Variants in HNRNPC observed in about 807,000 individuals in gnomAD.
The protein encoded by HNRNPC is heterogeneous nuclear ribonucleoprotein C.
In HNRNPC, 3 loss-of-function variants were observed where a neutral mutation model predicts 33.2. The observed-to-expected ratio is 0.09, with a 90% CI of 0.04 to 0.23. The LOEUF is 0.23. HNRNPC is among the 10% of genes least tolerant of loss of function. The probability of loss-of-function intolerance (pLI) is 1.00; values close to 1 mark genes in which losing one functional copy is unlikely to be tolerated. For synonymous variants in HNRNPC, 121 were observed against 126.7 expected (o/e 0.96, Z 0.30); for missense variants, 143 against 366.7 (o/e 0.39, Z 4.98).
chr14:21,256,603 T>C (rs929893645), intron 2 of HNRNPC, among the ~76,000 whole-genome samples: 1 of 152,118 alleles, frequency 6.6e-6, no homozygotes, highest in African/African-American at 2.4e-5. Flanking sequence ...TTGGACCAAG[T>C]GTCGACAGTA....
At chr14:21,242,701 A>G (rs550720160) in intron 2 of HNRNPC, among the ~76,000 whole-genome samples, 1 of 152,210 alleles carries the variant, frequency 6.6e-6, no homozygotes, top group Non-Finnish European at 1.5e-5. Context: ...CTAAGGGATC[A>G]TAGTTAGAAA....
At chr14:21,214,820 C>T (rs1348115737) in intron 5 of HNRNPC, among the ~76,000 whole-genome samples, 1 of 152,190 alleles carries the variant, frequency 6.6e-6, no homozygotes, top group Non-Finnish European at 1.5e-5. Flanking sequence ...GATGGTAACA[C>T]TTGCACAAAC....
At chr14:21,223,557 T>G (rs1455844436) in intron 5 of HNRNPC, among the ~76,000 whole-genome samples, 1 of 152,114 alleles carries the variant, frequency 6.6e-6, no homozygotes, top group East Asian at 1.9e-4. Flanking sequence ...AAGATGAGCC[T>G]GGGCAACATG....
chr14:21,236,552 AG>A lies in HNRNPC; in HGVS notation c.-36-2324del, dbSNP rs1283662087. ...GAGTACCACATTTCAGGGAAAATCC[AG>A]GGCACAAATAGTAACAAAGACTGTC... On this transcript the variant is annotated intron_variant, in intron 2 of 8. Coordinates refer to ENST00000553300, the MANE Select transcript of HNRNPC (RefSeq NM_004500.4). 3 of 152,178 alleles carry A rather than the reference AG, an allele frequency of 2.0e-5. No homozygotes were observed. The East Asian group carries it at 5.8e-4, about 29-fold the overall frequency. The allele number at this position is 152,178 out of a possible 1,614,324, so 9.4% of individuals were successfully genotyped here.
chr14:21,224,807 T>A (rs1020218649), intron 5 of HNRNPC, among the ~76,000 whole-genome samples: 47 of 152,200 alleles, frequency 3.1e-4, no homozygotes, highest in African/African-American at 1.1e-3. Context: ...GTTACATGTG[T>A]CATCTTTGAC....
At chr14:21,223,852 A>G (rs1893125039) in intron 5 of HNRNPC, among the ~76,000 whole-genome samples, 1 of 152,168 alleles carries the variant, frequency 6.6e-6, no homozygotes, top group African/African-American at 2.4e-5. Flanking sequence ...TATGTATGAT[A>G]CACAGGTTCC....
At chr14:21,229,632 G>A (rs913891695) in intron 5 of HNRNPC, among the ~76,000 whole-genome samples, 8 of 152,104 alleles carry the variant, frequency 5.3e-5, no homozygotes, top group African/African-American at 1.9e-4. Flanking sequence ...TTTAACGGCT[G>A]ACTTGATTCC....
intron 2 of HNRNPC, among the ~76,000 whole-genome samples, chr14:21,247,928 T>C (rs1594293470): frequency 6.6e-6 from 1 of 151,058 alleles, no homozygotes; most frequent in Non-Finnish European, 1.5e-5. Flanking sequence ...GAGGCGGAGG[T>C]TGCAGTGAGC....
At position 21,228,757 on chromosome 14, in the gene HNRNPC, T is replaced by C. The variant is rs576767030; in HGVS notation, c.365+1562A>G. ...TAAAAATGAAGAATTACAGAACTCC[T>C]TAGTTTTCAAAATGTTCACACATAA... On this transcript the variant is annotated intron_variant, in intron 5 of 8. Coordinates refer to ENST00000553300, the MANE Select transcript of HNRNPC (RefSeq NM_004500.4). Among the ~76,000 whole-genome samples, 7 of 152,140 alleles carry C rather than the reference T, an allele frequency of 4.6e-5. No homozygotes were observed. The South Asian group carries it at 1.5e-3, about 32-fold the overall frequency.
intron 5 of HNRNPC, among the ~76,000 whole-genome samples, chr14:21,215,754 C>T (rs914230005): frequency 2.0e-5 from 3 of 151,794 alleles, no homozygotes; most frequent in Non-Finnish European, 2.9e-5. Context: ...AAAAATTAGC[C>T]GGGCATGGTG....
rs72295427 is a variant in HNRNPC, at chr14:21,220,238, G to GTTTTT, written c.366-7126_366-7122dup. On this transcript the variant is annotated intron_variant, in intron 5 of 8. Transcript: ENST00000553300. ...TTTTCTCTGAGGCCATCTATTTCTG[G>GTTTTT]TTTTTTTTTTTTTTTGGAGACAGAG... 2.9e-5 allele frequency among the ~76,000 whole-genome samples: 4 copies of GTTTTT among 139,814 alleles called. 1 individual carries two copies. The highest frequency in any genetic ancestry group is 4.6e-5 in the Non-Finnish European group (3 of 64,676). The allele number at this position is 139,814 out of a possible 152,430, so 91.7% of individuals were successfully genotyped here.
intron 2 of HNRNPC, among the ~76,000 whole-genome samples, chr14:21,243,604 C>T (rs1056397736): frequency 3.9e-5 from 6 of 152,178 alleles, no homozygotes; most frequent in African/African-American, 1.4e-4. Context: ...AAGAAACTGG[C>T]ATTTCCATTG....
In HNRNPC at chr14:21,233,943, A is replaced by C. The variant is rs974829344; in HGVS notation, c.241+10T>G. ...CCTGAATTACATCATCAATGAAAAAATTCACTTACCTAAAACCTGGCCAGC... is the reference window on the plus strand; with the variant it reads ...CCTGAATTACATCATCAATGAAAAACTTCACTTACCTAAAACCTGGCCAGC... On this transcript the variant is annotated intron_variant, in intron 3 of 8. Transcript: ENST00000553300. 7.4e-6 allele frequency: 12 copies of C among 1,611,024 alleles called. No individual in the cohort carries two copies. Among genetic ancestry groups the C allele is most frequent in the Non-Finnish European group, 1.0e-5 (12 of 1,178,780 alleles).
chr14:21,229,814 T>C (rs1893907181), intron 5 of HNRNPC, among the ~76,000 whole-genome samples: 1 of 152,234 alleles, frequency 6.6e-6, no homozygotes, highest in Non-Finnish European at 1.5e-5. Context: ...TAATATGCTT[T>C]ATATATTGCA....
intron 2 of HNRNPC, among the ~76,000 whole-genome samples, chr14:21,256,502 T>C (rs1039504559): frequency 1.3e-5 from 2 of 151,954 alleles, no homozygotes; most frequent in Non-Finnish European, 2.9e-5. Context: ...AATCTAGCTA[T>C]CACTTTTAAG....
At chr14:21,268,934 G>A (rs1454596074) in intron 1 of HNRNPC, among the ~76,000 whole-genome samples, 2 of 151,968 alleles carry the variant, frequency 1.3e-5, no homozygotes, top group Admixed American at 6.6e-5. Context: ...AAGAAGAACG[G>A]AGGTAATAGA....
At position 21,220,242 on chromosome 14, in the gene HNRNPC, T is replaced by G. The variant is rs1172155681; in HGVS notation, c.366-7125A>C. On this transcript the variant is annotated intron_variant, in intron 5 of 8. Transcript: ENST00000553300. ...CTCTGAGGCCATCTATTTCTGGTTT[T>G]TTTTTTTTTTTGGAGACAGAGTTTT... Among the ~76,000 whole-genome samples the G allele has an allele frequency of 2.6e-5, 4 of 151,958 alleles. No individual in the cohort carries two copies. In the East Asian group the frequency reaches 5.8e-4, roughly 22 times the overall value.
intron 6 of HNRNPC, 134 bp from the exon 7 acceptor site, chr14:21,212,057 G>A (rs141018174): frequency 1.5e-4 from 101 of 668,240 alleles, no homozygotes; most frequent in African/African-American, 1.4e-3. Context: ...CAGATTTCTC[G>A]GTAATAAAGG....
chr14:21,244,690 T>A (rs1168929472), intron 2 of HNRNPC, among the ~76,000 whole-genome samples: 1 of 152,244 alleles, frequency 6.6e-6, no homozygotes, highest in Non-Finnish European at 1.5e-5. Context: ...TTTGTCACTG[T>A]GTTAATGTCG....
Sources: gnomAD v4.1 joint callset for allele counts (sites outside exome capture counted in the v4.1 genomes callset) on GRCh38, gnomAD v4.1.1 for gene constraint, MANE v1.5 for transcripts, NCBI Gene and HGNC (gene_info 2026-07-23, HGNC 2026-07-21) for gene names.